SNAPC3: variants seen among roughly 807,000 people sequenced by gnomAD.
SNAPC3 encodes the protein small nuclear RNA activating complex polypeptide 3.
In SNAPC3, 56 loss-of-function variants were observed where a neutral mutation model predicts 47.7. The observed-to-expected ratio is 1.18, with a 90% CI of 0.95 to 1.47. The LOEUF is 1.47. SNAPC3 is among the 40% of genes most tolerant of loss of function. SNAPC3 has a pLI of 0.00. For synonymous variants in SNAPC3, 235 were observed against 189.9 expected (o/e 1.24, Z -1.95); for missense variants, 665 against 511.3 (o/e 1.30, Z -2.90).
downstream of SNAPC3, chr9:15,465,966 G>A (rs1251419762): frequency 1.2e-5 from 2 of 164,886 alleles, no homozygotes; most frequent in African/African-American, 2.4e-5. Flanking sequence ...TAGACAACAA[G>A]ATTTCCCTCA....
intron 3 of SNAPC3, among the ~76,000 whole-genome samples, chr9:15,434,730 T>C (rs962029061): frequency 6.6e-6 from 1 of 152,164 alleles, no homozygotes; most frequent in Non-Finnish European, 1.5e-5. Context: ...CGTAGCATAA[T>C]GTTTTATAGG....
Position 15,458,045 on chromosome 9 carries a change from GT to G in SNAPC3, c.1069del (p.Cys357ValfsTer9). On this transcript the variant is annotated frameshift_variant, in exon 8 of 9. Transcript: ENST00000380821. LOFTEE classifies it high-confidence loss of function. The stretch of plus-strand genomic sequence containing the variant: ...TTGGCTATGGACCAGAAAATGTTTT[GT>G]TTGTAAAATGTATACAGCCAGGTGA... ...KHWLWTRKCF[V>X]CKMYTARWVT... 6.4e-7 allele frequency: 1 copy of G among 1,572,606 alleles called. No homozygotes were observed. The highest frequency in any genetic ancestry group is 8.6e-7 in the Non-Finnish European group (1 of 1,161,524).
At chr9:15,429,184 A>G (rs2031831895) in intron 2 of SNAPC3, among the ~76,000 whole-genome samples, 2 of 151,510 alleles carry the variant, frequency 1.3e-5, no homozygotes, top group Admixed American at 1.3e-4. Flanking sequence ...GCAAGGCAAC[A>G]TAGAGCAGTG....
At chr9:15,431,257 T>C (rs2032106225) in intron 2 of SNAPC3, among the ~76,000 whole-genome samples, 1 of 152,180 alleles carries the variant, frequency 6.6e-6, no homozygotes, top group South Asian at 2.1e-4. Context: ...GTTCCACTGA[T>C]GCAGTACCAT....
downstream of SNAPC3, chr9:15,466,710 T>G: frequency 6.7e-7 from 1 of 1,501,090 alleles, no homozygotes; most frequent in African/African-American, 1.4e-5. Context: ...ACCTGAATAA[T>G]AAAAAACACA....
At chr9:15,449,001 G>T (rs138948534) in intron 5 of SNAPC3, among the ~76,000 whole-genome samples, 2,701 of 151,970 alleles carry the variant, frequency 0.018, 76 homozygotes, top group East Asian at 0.12. Flanking sequence ...GTAGAAACGG[G>T]GTTTCACCAT....
intron 5 of SNAPC3, among the ~76,000 whole-genome samples, chr9:15,449,877 A>C (rs1053482534): frequency 2.6e-5 from 4 of 151,986 alleles, no homozygotes; most frequent in Non-Finnish European, 5.9e-5. Flanking sequence ...TTAGTGGATG[A>C]CTTTTGATTT....
chr9:15,441,862 A>G (rs2033417048), intron 3 of SNAPC3, among the ~76,000 whole-genome samples: 1 of 152,178 alleles, frequency 6.6e-6, no homozygotes. Flanking sequence ...TTTCTATTCG[A>G]CAAAACCGCC....
chr9:15,464,850 T>TA (rs1340455776), downstream of SNAPC3: 1 of 209,098 alleles, frequency 4.8e-6, no homozygotes, highest in Non-Finnish European at 9.7e-6. Flanking sequence ...GCCACAAAAC[T>TA]AAATTACCTT....
At chr9:15,434,495 C>T (rs530070272) in intron 3 of SNAPC3, among the ~76,000 whole-genome samples, 3 of 151,710 alleles carry the variant, frequency 2.0e-5, no homozygotes, top group South Asian at 2.1e-4. Flanking sequence ...GCAGTCTCCG[C>T]CTCCTGGGTT....
At position 15,429,917 on chromosome 9, in the gene SNAPC3, G is replaced by T. The variant is rs190143688; in HGVS notation, c.393-3635G>T. Among the ~76,000 whole-genome samples, 31 of 152,126 alleles carry T rather than the reference G, an allele frequency of 2.0e-4. No individual in the cohort carries two copies. The East Asian group carries it at 5.4e-3, about 27-fold the overall frequency. ...TTAGACCAAAGTATACCAAGTAAAT[G>T]GAAACAAAAATCAAGCAGGAGTAGT... On this transcript the variant is annotated intron_variant, in intron 2 of 8. Transcript: ENST00000380821.
chr9:15,445,253 C>T (rs1308212801), intron 4 of SNAPC3, among the ~76,000 whole-genome samples: 1 of 152,172 alleles, frequency 6.6e-6, no homozygotes, highest in African/African-American at 2.4e-5. Flanking sequence ...GAAATATATG[C>T]CTGATTTCTG....
At chr9:15,462,479 G>T (rs1360646144), downstream of SNAPC3, 1 of 151,958 alleles carries the variant, frequency 6.6e-6, no homozygotes, top group South Asian at 2.1e-4. Flanking sequence ...CTCTTTTTTC[G>T]AGGCAGCTTT....
intron 3 of SNAPC3, among the ~76,000 whole-genome samples, chr9:15,434,509 G>C (rs1215871258): frequency 6.6e-6 from 1 of 151,302 alleles, no homozygotes; most frequent in Non-Finnish European, 1.5e-5. Context: ...CTGGGTTCAA[G>C]CGATTCTCCT....
rs779813812 is a variant in SNAPC3, at chr9:15,453,201, A to G, written c.976A>G (p.Ile326Val). Residue 326 changes from isoleucine (I) to valine (V), a missense_variant, in exon 7 of 9, where the codon ATA (isoleucine) becomes GTA (valine). Transcript: ENST00000380821. ...TGAACATGTCATTGTCATTACTGAC[A>G]TAAGGTAGGTGACAGCACTTAAGAC... is the stretch of plus-strand genomic sequence containing the variant. The part of the protein sequence containing the change: ...DCEHVIVITD[I>V]RLVHHDDCLD... 12 of 1,610,126 alleles carry G rather than the reference A, an allele frequency of 7.5e-6. No homozygotes were observed. The highest frequency in any genetic ancestry group is 8.5e-6 in the Non-Finnish European group (10 of 1,177,776).
intron 7 of SNAPC3, among the ~76,000 whole-genome samples, chr9:15,455,009 TGTC>T (rs2034669518): frequency 2.0e-5 from 3 of 152,100 alleles, no homozygotes; most frequent in South Asian, 4.1e-4. Context: ...CAAAACAAAA[TGTC>T]GTCCAACAGA....
chr9:15,465,402 A>G, downstream of SNAPC3: 1 of 895,674 alleles, frequency 1.1e-6, no homozygotes, highest in East Asian at 2.6e-5. Flanking sequence ...TTTCTCCCTC[A>G]AAACAAGTTT....
downstream of SNAPC3, chr9:15,464,133 C>CTAAG (rs958606418): frequency 5.5e-6 from 1 of 182,674 alleles, no homozygotes; most frequent in African/African-American, 2.4e-5. Context: ...TAGAATAAAT[C>CTAAG]TAAGTAAGTT....
chr9:15,444,537 T>A (rs193011251), intron 3 of SNAPC3, 65 bp from the exon 4 acceptor site: 2 of 1,004,394 alleles, frequency 2.0e-6, no homozygotes, highest in African/African-American at 3.2e-5. Context: ...TGATAGCCAT[T>A]GTACCACACT....
Sources: gnomAD v4.1 joint callset for allele counts (sites outside exome capture counted in the v4.1 genomes callset) on GRCh38, gnomAD v4.1.1 for gene constraint, MANE v1.5 for transcripts, NCBI Gene and HGNC (gene_info 2026-07-23, HGNC 2026-07-21) for gene names.